COL5A2: variants seen among roughly 807,000 people sequenced by gnomAD.
COL5A2 encodes collagen alpha-2(V) chain.
Under a neutral mutation model 208.2 loss-of-function variants are expected in COL5A2, and 23 were observed. The ratio of observed to expected loss-of-function variants is 0.11; its 90% CI spans 0.08 to 0.16. The LOEUF (loss-of-function observed/expected upper bound fraction) is 0.16, where lower values mean the gene tolerates loss of function less well. COL5A2 is among the 10% of genes least tolerant of loss of function. The probability of loss-of-function intolerance (pLI) is 1.00; values close to 1 mark genes in which losing one functional copy is unlikely to be tolerated. For missense variants in COL5A2, 1,590 were observed against 1,956.4 expected (o/e 0.81, Z 3.53); for synonymous variants, 625 against 628.5 (o/e 0.99, Z 0.08).
chr2:189,159,298 A>C (rs1296047183), intron 1 of COL5A2, among the ~76,000 whole-genome samples: 1 of 152,194 alleles, frequency 6.6e-6, no homozygotes, highest in African/African-American at 2.4e-5. Context: ...ATCTATAGCT[A>C]ATTGTATCTC....
chr2:189,432,323 A>G, the COL5A2 span, among the ~76,000 whole-genome samples: 90 of 152,348 alleles, frequency 5.9e-4, 1 homozygote, highest in East Asian at 0.016. Flanking sequence ...TCTAATTCAC[A>G]CATAATTATA....
the COL5A2 span, among the ~76,000 whole-genome samples, chr2:189,323,742 C>T: frequency 6.6e-6 from 1 of 152,286 alleles, no homozygotes; most frequent in East Asian, 1.9e-4. Flanking sequence ...AATGGCCATA[C>T]TGCCCAAGGT....
the COL5A2 span, among the ~76,000 whole-genome samples, chr2:189,302,627 T>A: frequency 2.0e-5 from 3 of 152,126 alleles, no homozygotes; most frequent in African/African-American, 7.2e-5. Context: ...TCAATCAAGG[T>A]CCAAAAATAA....
intron 1 of COL5A2, among the ~76,000 whole-genome samples, chr2:189,186,938 G>T (rs2105840672): frequency 6.6e-6 from 1 of 152,030 alleles, no homozygotes; most frequent in Non-Finnish European, 1.5e-5. Flanking sequence ...ACATTCTTAT[G>T]ATATGAATTT....
chr2:189,244,608 G>A, the COL5A2 span, among the ~76,000 whole-genome samples: 82 of 152,254 alleles, frequency 5.4e-4, no homozygotes, highest in East Asian at 6.9e-3. Context: ...GGATTTAATT[G>A]TCCACATTAT....
rs927272998 is a variant in COL5A2 at position 189,033,762 on chromosome 2, T to C, written c.*308A>G. 4 of 381,270 alleles carry C rather than the reference T, an allele frequency of 1.0e-5. No individual in the cohort carries two copies. The highest frequency in any genetic ancestry group is 7.9e-5 in the Admixed American group (2 of 25,398). 23.6% of individuals were successfully genotyped at this position (381,270 alleles called of 1,614,324 possible). On this transcript the variant is annotated 3_prime_UTR_variant, in exon 54 of 54. Transcript: ENST00000374866. ...AACTTTTTCATTACACTGAAATAAA[T>C]TGAAGAAAACGGAGATTTATTTATT...
At chr2:189,136,065 G>A (rs1687820842) in intron 1 of COL5A2, among the ~76,000 whole-genome samples, 1 of 152,178 alleles carries the variant, frequency 6.6e-6, no homozygotes, top group South Asian at 2.1e-4. Context: ...GATTGCGAGT[G>A]GGATGGGACT....
chr2:189,391,638 A>G, the COL5A2 span, among the ~76,000 whole-genome samples: 2 of 152,116 alleles, frequency 1.3e-5, no homozygotes, highest in Non-Finnish European at 2.9e-5. Context: ...GAGGGCATCC[A>G]CCAGATTTCT....
At chr2:189,195,467 T>C (rs1306298640) in intron 1 of COL5A2, among the ~76,000 whole-genome samples, 1 of 152,154 alleles carries the variant, frequency 6.6e-6, no homozygotes, top group Non-Finnish European at 1.5e-5. Flanking sequence ...AAAATTACTT[T>C]AAACTTCATA....
chr2:189,051,420 C>T lies in COL5A2; in HGVS notation c.2831G>A (p.Arg944His), dbSNP rs761988412. 10 of 1,613,640 alleles carry T rather than the reference C, an allele frequency of 6.2e-6. No individual in the cohort carries two copies. Among genetic ancestry groups the T allele is most frequent in the South Asian group, 3.3e-5 (3 of 91,062 alleles). The change falls in exon 42 of 54, where the codon CGT becomes CAT. Residue 944 changes from arginine (R) to histidine (H), a missense_variant. Transcript: ENST00000374866. ...EPGKEGPPGL[R>H]GDPGSHGRVG... ...ACGCCCATGAGAGCCAGGGTCCCCA[C>T]GAAGACCTGGAGGTCCCTCCTTCCC...
chr2:189,201,523 G>T (rs1375161777), intron 1 of COL5A2, among the ~76,000 whole-genome samples: 1 of 151,768 alleles, frequency 6.6e-6, no homozygotes, highest in Non-Finnish European at 1.5e-5. Context: ...CTAGAAGGAG[G>T]GAAACAAGAA....
At chr2:189,373,771 T>C in the COL5A2 span, among the ~76,000 whole-genome samples, 1 of 152,156 alleles carries the variant, frequency 6.6e-6, no homozygotes, top group South Asian at 2.1e-4. Flanking sequence ...CAAAAATGAA[T>C]GCAGCTGACA....
At chr2:189,246,839 C>G in the COL5A2 span, among the ~76,000 whole-genome samples, 1 of 152,132 alleles carries the variant, frequency 6.6e-6, no homozygotes, top group African/African-American at 2.4e-5. Context: ...AAGACACAGC[C>G]TGAAGAAGTG....
the COL5A2 span, among the ~76,000 whole-genome samples, chr2:189,273,375 A>G: frequency 2.0e-5 from 3 of 152,160 alleles, no homozygotes; most frequent in Non-Finnish European, 4.4e-5. Flanking sequence ...GGATGTGGAG[A>G]AAAGGGAGCC....
chr2:189,171,200 G>A (rs1172979455), intron 1 of COL5A2, among the ~76,000 whole-genome samples: 4 of 152,018 alleles, frequency 2.6e-5, no homozygotes, highest in South Asian at 2.1e-4. Context: ...CAGTTGATGC[G>A]ACTAAAACTC....
chr2:189,051,151 C>CTA (rs1035851743), intron 42 of COL5A2, among the ~76,000 whole-genome samples, 169 bp downstream of exon 42: 7 of 151,870 alleles, frequency 4.6e-5, no homozygotes, highest in South Asian at 2.1e-4. Context: ...TTTTTAAAAT[C>CTA]TATATATATA....
intron 10 of COL5A2, 33 bp from the exon 11 acceptor site, chr2:189,085,246 A>G (rs777728843): frequency 6.4e-7 from 1 of 1,562,454 alleles, no homozygotes; most frequent in Non-Finnish European, 8.8e-7. Context: ...GGAAAAAAAG[A>G]ATATTTACCT....
chr2:189,326,846 G>A, the COL5A2 span, among the ~76,000 whole-genome samples: 12 of 151,872 alleles, frequency 7.9e-5, no homozygotes, highest in East Asian at 5.8e-4. Context: ...TGAGGTGGGC[G>A]GATCACTTGA....
At chr2:189,314,879 A>T in the COL5A2 span, among the ~76,000 whole-genome samples, 1 of 152,204 alleles carries the variant, frequency 6.6e-6, no homozygotes, top group African/African-American at 2.4e-5. Flanking sequence ...CGACTGAACC[A>T]GGAAGAAACT....
Sources: allele counts gnomAD v4.1 joint callset (sites outside exome capture counted in the v4.1 genomes callset), GRCh38; gene constraint gnomAD v4.1.1; transcripts MANE v1.5; gene names NCBI Gene and HGNC (gene_info 2026-07-23, HGNC 2026-07-21).